TNR: variants seen among roughly 807,000 people sequenced by gnomAD.
TNR encodes the protein tenascin R, also known as tenascin-R.
Under a neutral mutation model 150.4 loss-of-function variants are expected in TNR, and 45 were observed. That is an observed-to-expected ratio of 0.30 (90% CI 0.24 to 0.38). TNR has a LOEUF of 0.38. Among genes scored for constraint, TNR ranks in the 10% least tolerant of loss-of-function variants. The pLI is 1.00. For missense variants in TNR, 1,544 were observed against 1,759.1 expected (o/e 0.88, Z 2.19); for synonymous variants, 687 against 678.4 (o/e 1.01, Z -0.20).
At chr1:175,737,637 T>C (rs901611774) in intron 1 of TNR, among the ~76,000 whole-genome samples, 2 of 152,206 alleles carry the variant, frequency 1.3e-5, no homozygotes, top group South Asian at 4.1e-4. Context: ...TCTTTCCTCA[T>C]ACCATGCAGT....
chr1:175,448,035 C>G (rs1571453922), intron 2 of TNR, among the ~76,000 whole-genome samples: 2 of 152,248 alleles, frequency 1.3e-5, no homozygotes, highest in Middle Eastern at 6.8e-3. Context: ...AAATAGACTT[C>G]CGGATTCACT....
intron 8 of TNR, among the ~76,000 whole-genome samples, chr1:175,379,953 C>T (rs1652595437): frequency 6.6e-6 from 1 of 152,126 alleles, no homozygotes; most frequent in African/African-American, 2.4e-5. Context: ...AAGATCAATA[C>T]ACTTTATGCT....
At chr1:175,646,131 T>C (rs1042943171) in intron 1 of TNR, among the ~76,000 whole-genome samples, 1 of 152,204 alleles carries the variant, frequency 6.6e-6, no homozygotes, top group African/African-American at 2.4e-5. Flanking sequence ...CGCATTTATA[T>C]CAGAGTGTCT....
intron 1 of TNR, among the ~76,000 whole-genome samples, chr1:175,687,147 G>C (rs1666222948): frequency 6.6e-6 from 1 of 152,110 alleles, no homozygotes; most frequent in African/African-American, 2.4e-5. Flanking sequence ...GTCCTCCTGG[G>C]CTCAGCTCTG....
At chr1:175,422,551 G>A (rs1654801200) in intron 2 of TNR, among the ~76,000 whole-genome samples, 1 of 152,202 alleles carries the variant, frequency 6.6e-6, no homozygotes, top group Non-Finnish European at 1.5e-5. Flanking sequence ...GAGAGGGCTG[G>A]GACCCACTGT....
At chr1:175,536,988 C>T (rs747083248) in intron 1 of TNR, among the ~76,000 whole-genome samples, 1 of 152,208 alleles carries the variant, frequency 6.6e-6, no homozygotes, top group African/African-American at 2.4e-5. Flanking sequence ...CCCCACTCCA[C>T]CTTCCATTCC....
chr1:175,577,154 G>T (rs965847855), intron 1 of TNR, among the ~76,000 whole-genome samples: 1 of 152,164 alleles, frequency 6.6e-6, no homozygotes. Context: ...GTAGGCTACA[G>T]AGAGTCTTGA....
intron 1 of TNR, among the ~76,000 whole-genome samples, chr1:175,653,808 A>G (rs1259221941): frequency 6.6e-6 from 1 of 152,238 alleles, no homozygotes; most frequent in Non-Finnish European, 1.5e-5. Flanking sequence ...TTAACAGACT[A>G]TCACATTAAA....
intron 12 of TNR, among the ~76,000 whole-genome samples, chr1:175,364,441 T>A (rs1448478629): frequency 1.3e-5 from 2 of 151,966 alleles, no homozygotes; most frequent in African/African-American, 4.8e-5. Flanking sequence ...AACATACATA[T>A]CTTCACCCAC....
chr1:175,440,431 C>T (rs1381905555), intron 2 of TNR, among the ~76,000 whole-genome samples: 3 of 151,100 alleles, frequency 2.0e-5, no homozygotes, highest in Admixed American at 6.6e-5. Context: ...TGCTAAATGA[C>T]GAGTTAATGG....
chr1:175,351,664 A>G (rs531197918), intron 18 of TNR, among the ~76,000 whole-genome samples: 2 of 152,326 alleles, frequency 1.3e-5, no homozygotes, highest in East Asian at 1.9e-4. Flanking sequence ...TCATTCTGCA[A>G]CCAGTCATTT....
chr1:175,460,637 G>A (rs1181850788), intron 2 of TNR, among the ~76,000 whole-genome samples: 1 of 152,200 alleles, frequency 6.6e-6, no homozygotes, highest in Admixed American at 6.5e-5. Context: ...TCACGATAAT[G>A]AGGCAAGAAT....
intron 1 of TNR, among the ~76,000 whole-genome samples, chr1:175,606,797 T>C (rs924103288): frequency 1.3e-5 from 2 of 152,162 alleles, no homozygotes. Context: ...TCCCTTCTCC[T>C]CTGGCTTTGA....
chr1:175,461,679 C>T (rs1656824788), intron 2 of TNR, among the ~76,000 whole-genome samples: 1 of 152,220 alleles, frequency 6.6e-6, no homozygotes, highest in African/African-American at 2.4e-5. Context: ...ACTGCTTCTG[C>T]TCACTATTTT....
chr1:175,379,864 T>C, intron 8 of TNR, 127 bp from the exon 9 acceptor site: 1 of 1,068,896 alleles, frequency 9.4e-7, no homozygotes, highest in South Asian at 1.6e-5. Context: ...CACATTTGAA[T>C]GAACACTGTG....
intron 2 of TNR, among the ~76,000 whole-genome samples, chr1:175,480,471 A>T (rs2102127592): frequency 1.4e-5 from 2 of 138,010 alleles, no homozygotes; most frequent in South Asian, 4.6e-4. Flanking sequence ...AGAAAAAAAG[A>T]AAAGAAAAGA....
At chr1:175,634,937 A>T (rs1187398970) in intron 1 of TNR, among the ~76,000 whole-genome samples, 1 of 152,184 alleles carries the variant, frequency 6.6e-6, no homozygotes. Context: ...AGCCCTCCTC[A>T]TTCTCTTAAT....
At chr1:175,512,295 A>G (rs1659214119) in intron 2 of TNR, among the ~76,000 whole-genome samples, 1 of 152,248 alleles carries the variant, frequency 6.6e-6, no homozygotes, top group South Asian at 2.1e-4. Context: ...TAAAACTAGT[A>G]TTTCAATGAG....
chr1:175,378,528 T>C (rs1202398960), intron 9 of TNR, among the ~76,000 whole-genome samples: 2 of 152,182 alleles, frequency 1.3e-5, no homozygotes, highest in African/African-American at 4.8e-5. Context: ...TGGAACTCTC[T>C]CAGGAACAAT....
Sources: allele counts gnomAD v4.1 joint callset (sites outside exome capture counted in the v4.1 genomes callset), GRCh38; gene constraint gnomAD v4.1.1; transcripts MANE v1.5; gene names NCBI Gene and HGNC (gene_info 2026-07-23, HGNC 2026-07-21).